The following SH3D21 variants were observed in gnomAD, a reference collection of about 807,000 sequenced individuals.
The protein encoded by SH3D21 is manchette microtubule inner protein 1.
A neutral mutation model predicts 82.1 loss-of-function variants in SH3D21; 83 were observed. That is an observed-to-expected ratio of 1.01 (90% CI 0.85 to 1.21). The LOEUF is 1.21. SH3D21 is among the 50% of genes most tolerant of loss of function. The probability of loss-of-function intolerance (pLI) is 0.00; values close to 1 mark genes in which losing one functional copy is unlikely to be tolerated. For missense variants in SH3D21, 980 were observed against 962.1 expected (o/e 1.02, Z -0.25); for synonymous variants, 383 against 387.8 (o/e 0.99, Z 0.15).
intron 8 of SH3D21, 29 bp downstream of exon 8, chr1:36,308,238 A>C: frequency 6.7e-7 from 1 of 1,501,638 alleles, no homozygotes; most frequent in Non-Finnish European, 9.0e-7. Flanking sequence ...GGGGGGGCCC[A>C]GGGAAGCCGG....
At chr1:36,322,690 C>T, downstream of SH3D21, 1 of 1,547,322 alleles carries the variant, frequency 6.5e-7, no homozygotes, top group Non-Finnish European at 8.7e-7. Flanking sequence ...AAGCAGACGC[C>T]CAGCACGAAG....
intron 10 of SH3D21, among the ~76,000 whole-genome samples, chr1:36,312,111 G>A (rs899618399): frequency 6.8e-6 from 1 of 147,476 alleles, no homozygotes; most frequent in South Asian, 2.1e-4. Flanking sequence ...TGCAAGCTCC[G>A]CCTCCCGGGT....
rs1327142397 is a variant in SH3D21, at chr1:36,307,503, TC to T, written c.346-10del. 8 of 1,551,172 alleles carry T rather than the reference TC, an allele frequency of 5.2e-6. No homozygotes were observed. The East Asian group carries it at 2.0e-4, about 38-fold the overall frequency. On this transcript the variant is annotated splice_polypyrimidine_tract_variant and intron_variant, in intron 4 of 15. Coordinates refer to ENST00000453908, the MANE Select transcript of SH3D21 (RefSeq NM_001162530.2). This position sits in a 1 kb window ranked among gnomAD's most constrained non-coding sequence, Gnocchi z 5.4. ...GGCAGAACCAGACGCCTCTGCGTCCTCCCCTCTCCCCAGATTGAGGACGGCT... is the reference window on the plus strand; with the variant it reads ...GGCAGAACCAGACGCCTCTGCGTCCTCCCTCTCCCCAGATTGAGGACGGCT...
At chr1:36,321,945 T>G, downstream of SH3D21, 11 of 1,108,946 alleles carry the variant, frequency 9.9e-6, no homozygotes, top group South Asian at 3.9e-5. The surrounding 1 kb of genome is among the most constrained non-coding windows in gnomAD (Gnocchi z 6.1). Context: ...GGTAAGGGAG[T>G]CAAGCTGGGC....
intron 12 of SH3D21, 58 bp from the exon 13 acceptor site, chr1:36,319,384 G>A: frequency 6.4e-7 from 1 of 1,550,750 alleles, no homozygotes; most frequent in Non-Finnish European, 8.7e-7. Context: ...GAGGGACAGA[G>A]GTGGGAAGAG....
At chr1:36,313,628 G>T (rs1409222257) in intron 10 of SH3D21, among the ~76,000 whole-genome samples, 1 of 151,946 alleles carries the variant, frequency 6.6e-6, no homozygotes, top group African/African-American at 2.4e-5. Context: ...CTGGAGTGTG[G>T]TGGCACAATG....
chr1:36,315,267 C>T (rs1018560669), intron 10 of SH3D21, among the ~76,000 whole-genome samples: 2 of 151,316 alleles, frequency 1.3e-5, no homozygotes, highest in Admixed American at 6.6e-5. Context: ...CAGAGCGAGA[C>T]TCTGTCTCAA....
At chr1:36,313,972 CTTTTTTTTTTTTT>C (rs767624105) in intron 10 of SH3D21, among the ~76,000 whole-genome samples, 1 of 36,784 alleles carries the variant, frequency 2.7e-5, no homozygotes, top group African/African-American at 7.5e-5. Flanking sequence ...AACATATTTT[CTTTTTTTTTTTTT>C]TTTTTTTGAG....
In SH3D21 at chr1:36,307,973, C is replaced by G. The variant is rs1646162977; in HGVS notation, c.538+10C>G. ...GACTACCTGCAGACAGGTGAGCACC[C>G]ATCCAAAGGGTCCCCCACTCCCTCA... On this transcript the variant is annotated intron_variant, in intron 7 of 15. Coordinates refer to ENST00000453908, the MANE Select transcript of SH3D21 (RefSeq NM_001162530.2). The surrounding 1 kb of genome is among the most constrained non-coding windows in gnomAD (Gnocchi z 5.4). 6.4e-7 allele frequency: 1 copy of G among 1,551,654 alleles called. No homozygotes were observed. The highest frequency in any genetic ancestry group is 8.7e-7 in the Non-Finnish European group (1 of 1,147,012).
chr1:36,311,895 G>A (rs189190666), intron 10 of SH3D21, among the ~76,000 whole-genome samples: 1 of 151,832 alleles, frequency 6.6e-6, no homozygotes, highest in African/African-American at 2.4e-5. Flanking sequence ...GGGTCTCACT[G>A]TGTTGCCCAG....
At chr1:36,309,473 A>C in intron 9 of SH3D21, 75 bp from the exon 10 acceptor site, 1 of 1,521,746 alleles carries the variant, frequency 6.6e-7, no homozygotes, top group Non-Finnish European at 8.9e-7. Context: ...GGTGTGAGCC[A>C]CCACGCCTGG....
chr1:36,316,627 G>A (rs1211666608), intron 10 of SH3D21, among the ~76,000 whole-genome samples: 1 of 152,184 alleles, frequency 6.6e-6, no homozygotes, highest in African/African-American at 2.4e-5. Flanking sequence ...CTGCTGTGTG[G>A]TACTGAGCTT....
chr1:36,322,348 G>C (rs1160312507), downstream of SH3D21: 5 of 1,581,412 alleles, frequency 3.2e-6, no homozygotes, highest in African/African-American at 4.0e-5. Context: ...CTGGGCCCCA[G>C]CGTGCCTGTG....
chr1:36,321,572 C>A, downstream of SH3D21: 3 of 802,930 alleles, frequency 3.7e-6, no homozygotes, highest in Non-Finnish European at 3.2e-6. The surrounding 1 kb of genome is among the most constrained non-coding windows in gnomAD (Gnocchi z 6.1). Context: ...CCTCCCTGTC[C>A]GCTCAGAGGG....
Position 36,307,622 on chromosome 1 carries a change from CTG to C in SH3D21, c.436+18_436+19del, listed in dbSNP as rs1424099784. On this transcript the variant is annotated intron_variant, in intron 5 of 15. Coordinates refer to ENST00000453908, the MANE Select transcript of SH3D21 (RefSeq NM_001162530.2). This position sits in a 1 kb window ranked among gnomAD's most constrained non-coding sequence, Gnocchi z 5.4. ...TGGGCCCCCAAGTGAGACCTCGACT[CTG>C]TGACCCTGTGACTCGCAATCTCCAA... The C allele has an allele frequency of 6.4e-7, 1 of 1,550,676 alleles. No individual in the cohort carries two copies. The highest frequency in any genetic ancestry group is 8.7e-7 in the Non-Finnish European group (1 of 1,146,314).
At chr1:36,317,334 G>A (rs1392738130) in intron 10 of SH3D21, among the ~76,000 whole-genome samples, 3 of 152,180 alleles carry the variant, frequency 2.0e-5, no homozygotes, top group African/African-American at 4.8e-5. Flanking sequence ...GTGTCTGGCT[G>A]TGGGATCCAT....
At chr1:36,314,537 C>T (rs906148299) in intron 10 of SH3D21, among the ~76,000 whole-genome samples, 2 of 150,372 alleles carry the variant, frequency 1.3e-5, no homozygotes, top group Non-Finnish European at 3.0e-5. Context: ...CTCACTGTAA[C>T]CTCTGCCTCC....
chr1:36,327,279 AG>A (rs1646554681), downstream of SH3D21, among the ~76,000 whole-genome samples: 1 of 152,238 alleles, frequency 6.6e-6, no homozygotes, highest in African/African-American at 2.4e-5. Flanking sequence ...GGTGTATGTC[AG>A]TGACTGTTTG....
rs1646412966 is a variant in SH3D21, at chr1:36,319,812, C to T, written c.1149C>T (p.Val383=). The T allele has an allele frequency of 1.2e-6, 2 of 1,613,860 alleles. No individual in the cohort carries two copies. The highest frequency in any genetic ancestry group is 1.3e-5 in the African/African-American group (1 of 74,990). ...AGAAGATCCCGGCTCCTGACAAAGTCCCCTCCCCAGAGAAGACCCTCACTC... is the reference window on the plus strand; with the variant it reads ...AGAAGATCCCGGCTCCTGACAAAGTTCCCTCCCCAGAGAAGACCCTCACTC... ...SSKKIPAPDK[V]PSPEKTLTLG... Residue 383 remains valine (V), a synonymous_variant, in exon 14 of 16, where the codon GTC becomes GTT. Coordinates refer to ENST00000453908, the MANE Select transcript of SH3D21 (RefSeq NM_001162530.2).
Sources: allele counts gnomAD v4.1 joint callset (sites outside exome capture counted in the v4.1 genomes callset), GRCh38; gene constraint gnomAD v4.1.1; non-coding constraint Gnocchi (gnomAD v3.1); transcripts MANE v1.5; gene names NCBI Gene and HGNC (gene_info 2026-07-23, HGNC 2026-07-21).